The following PRPF38A variants were observed in gnomAD, a reference collection of about 807,000 sequenced individuals.
PRPF38A encodes the protein pre-mRNA-splicing factor 38A.
Under a neutral mutation model 46.8 loss-of-function variants are expected in PRPF38A, and 11 were observed. That is an observed-to-expected ratio of 0.24 (90% CI 0.15 to 0.39). The LOEUF is 0.39. PRPF38A is among the 10% of genes least tolerant of loss of function. The pLI is 1.00. For missense variants in PRPF38A, 261 were observed against 407.5 expected, an observed-to-expected ratio of 0.64 and a Z score of 3.10; for synonymous variants, 124 against 136.2, an observed-to-expected ratio of 0.91 and a Z score of 0.62.
At position 52,414,004 on chromosome 1, in the gene PRPF38A, C is replaced by T. The variant is rs1168663181; in HGVS notation, c.722+13C>T. 1 of 1,554,828 alleles carries T rather than the reference C, an allele frequency of 6.4e-7. No individual in the cohort carries two copies. The highest frequency in any genetic ancestry group is 1.1e-5 in the South Asian group (1 of 89,558). On this transcript the variant is annotated intron_variant, in intron 6 of 9. Coordinates refer to ENST00000257181, the MANE Select transcript of PRPF38A (RefSeq NM_032864.4). ...GGTCTCCCAGAAGGTAAAGCCTAGT[C>T]ATTGGCCTTTTCCCAGAAGATTTTG...
chr1:52,406,332 C>G (rs1647995448), intron 2 of PRPF38A, among the ~76,000 whole-genome samples: 1 of 152,126 alleles, frequency 6.6e-6, no homozygotes, highest in South Asian at 2.1e-4. Flanking sequence ...TAATCTTCTA[C>G]TTTACTTTCT....
chr1:52,414,192 A>G (rs539136170), intron 6 of PRPF38A, among the ~76,000 whole-genome samples: 25 of 152,214 alleles, frequency 1.6e-4, no homozygotes, highest in African/African-American at 5.5e-4. Flanking sequence ...TCTGCAGTCA[A>G]TGATTTAAGC....
rs919310721 is a variant in PRPF38A, at chr1:52,420,603, T to C, written c.*3913T>C. On this transcript the variant is annotated 3_prime_UTR_variant, in exon 10 of 10. Transcript: ENST00000257181. ...GAGCATTTTTTCAGTTTCACACTTGTTTTCCTTTTGTTAATTTGCTATATT... is the reference window on the plus strand; with the variant it reads ...GAGCATTTTTTCAGTTTCACACTTGCTTTCCTTTTGTTAATTTGCTATATT... The C allele has an allele frequency of 1.3e-5, 2 of 152,188 alleles. No homozygotes were observed. The highest frequency in any genetic ancestry group is 2.4e-5 in the African/African-American group (1 of 41,450). The allele number at this position is 152,188 out of a possible 1,614,324, so 9.4% of individuals were successfully genotyped here.
At chr1:52,408,925 T>A (rs1648073569) in intron 3 of PRPF38A, 1 of 408,732 alleles carries the variant, frequency 2.4e-6, no homozygotes, top group East Asian at 4.3e-5. Context: ...GCATCTTATG[T>A]TAATCCCTGC....
intron 3 of PRPF38A, 31 bp from the exon 4 acceptor site, chr1:52,411,084 G>T (rs201204966): frequency 2.1e-5 from 32 of 1,524,476 alleles, no homozygotes; most frequent in Middle Eastern, 3.4e-4. Flanking sequence ...TTTATTTCCA[G>T]GTTGTTTGCT....
intron 5 of PRPF38A, among the ~76,000 whole-genome samples, 187 bp from the exon 6 acceptor site, chr1:52,413,690 TTA>T (rs563775012): frequency 8.3e-4 from 127 of 152,324 alleles, no homozygotes; most frequent in African/African-American, 2.9e-3. Flanking sequence ...TTTGGCTGTC[TTA>T]TATAGCTCAT....
chr1:52,408,726 T>C, intron 3 of PRPF38A, 36 bp downstream of exon 3: 1 of 1,608,332 alleles, frequency 6.2e-7, no homozygotes, highest in Non-Finnish European at 8.5e-7. Context: ...TTGTCATTTT[T>C]AAGCCAGTTT....
intron 4 of PRPF38A, 55 bp downstream of exon 4, chr1:52,411,255 C>G: frequency 1.6e-6 from 2 of 1,220,440 alleles, no homozygotes; most frequent in Non-Finnish European, 2.4e-6. Context: ...GACGGGCAGA[C>G]AGACAAACAC....
In PRPF38A at chr1:52,406,647, A is replaced by T. The variant is rs1018699720; in HGVS notation, c.290+808A>T. ...CTGAACACAGCACTTGCTGCATGGT[A>T]AACACCTAGAAAATGTCAGCTTATT... is the stretch of plus-strand genomic sequence containing the variant. On this transcript the variant is annotated intron_variant, in intron 2 of 9. Transcript: ENST00000257181. Among the ~76,000 whole-genome samples, 6 of 152,236 alleles carry T rather than the reference A, an allele frequency of 3.9e-5. No individual in the cohort carries two copies. The South Asian group carries it at 6.2e-4, about 16-fold the overall frequency.
chr1:52,414,701 G>T, intron 7 of PRPF38A, 54 bp downstream of exon 7: 1 of 1,613,446 alleles, frequency 6.2e-7, no homozygotes, highest in Non-Finnish European at 8.5e-7. Context: ...GGGGGTGGTG[G>T]TATTGGTGTT....
chr1:52,413,535 A>G (rs1455966877), intron 5 of PRPF38A, among the ~76,000 whole-genome samples: 3 of 152,088 alleles, frequency 2.0e-5, no homozygotes, highest in East Asian at 3.9e-4. Context: ...AGCTGGAACT[A>G]CAGGCACGTG....
Position 52,418,806 on chromosome 1 carries a change from A to G in PRPF38A, c.*2116A>G, listed in dbSNP as rs558611910. 6.6e-6 allele frequency: 1 copy of G among 152,350 alleles called. No homozygotes were observed. The highest frequency in any genetic ancestry group is 2.4e-5 in the African/African-American group (1 of 41,578). 9.4% of individuals were successfully genotyped at this position (152,350 alleles called of 1,614,324 possible). ...ACTTTTTGACTACAGCATACATTTT[A>G]AAAACGTATTTTACATCTTACCTCT... On this transcript the variant is annotated 3_prime_UTR_variant, in exon 10 of 10. Transcript: ENST00000257181.
chr1:52,406,840 G>C (rs1569973119), intron 2 of PRPF38A, among the ~76,000 whole-genome samples: 1 of 152,134 alleles, frequency 6.6e-6, no homozygotes, highest in East Asian at 1.9e-4. Flanking sequence ...CTGAGGCACA[G>C]AGATTAATTA....
intron 9 of PRPF38A, among the ~76,000 whole-genome samples, chr1:52,416,372 A>T (rs1648292193): frequency 6.6e-6 from 1 of 150,860 alleles, no homozygotes; most frequent in South Asian, 2.1e-4. Context: ...GCAATGGCCC[A>T]ATCTCGGCTC....
At chr1:52,405,416 T>C (rs566764081) in intron 1 of PRPF38A, among the ~76,000 whole-genome samples, 1 of 152,336 alleles carries the variant, frequency 6.6e-6, no homozygotes, top group African/African-American at 2.4e-5. Flanking sequence ...TTTCCTTACC[T>C]GGAAATAAGA....
In PRPF38A at chr1:52,419,401, G is replaced by C. The variant is rs920319242; in HGVS notation, c.*2711G>C. ...GAAGAAGAATGGGTTTGGTGAGAGG[G>C]TTCCAATATTAACAACCCAACTTCA... On this transcript the variant is annotated 3_prime_UTR_variant, in exon 10 of 10. Transcript: ENST00000257181. 6.6e-6 allele frequency: 1 copy of C among 151,686 alleles called. No individual in the cohort carries two copies. Among genetic ancestry groups the C allele is most frequent in the African/African-American group, 2.4e-5 (1 of 41,272 alleles). The allele number at this position is 151,686 out of a possible 1,614,324, so 9.4% of individuals were successfully genotyped here.
chr1:52,414,497 C>A, intron 6 of PRPF38A, 124 bp from the exon 7 acceptor site: 1 of 1,015,336 alleles, frequency 9.8e-7, no homozygotes, highest in Non-Finnish European at 1.5e-6. Context: ...AGTTACGTGA[C>A]AAAAGACATG....
chr1:52,407,670 C>T (rs936111036), intron 2 of PRPF38A, among the ~76,000 whole-genome samples: 2 of 152,192 alleles, frequency 1.3e-5, no homozygotes, highest in African/African-American at 4.8e-5. Flanking sequence ...CCTGTAATCC[C>T]AGCACTTTGG....
In PRPF38A at chr1:52,416,708, T is replaced by G; in HGVS notation, c.*18T>G. ...ATGAGTAATGGACTCAGTTTGGTTT[T>G]AGTCCACATGGCCTCCTGTGGATAT... On this transcript the variant is annotated 3_prime_UTR_variant, in exon 10 of 10. Coordinates refer to ENST00000257181, the MANE Select transcript of PRPF38A (RefSeq NM_032864.4). 1.3e-6 allele frequency: 2 copies of G among 1,596,058 alleles called. No individual in the cohort carries two copies. Among genetic ancestry groups the G allele is most frequent in the Non-Finnish European group, 1.7e-6 (2 of 1,163,512 alleles).
Sources: allele counts gnomAD v4.1 joint callset (sites outside exome capture counted in the v4.1 genomes callset), GRCh38; gene constraint gnomAD v4.1.1; transcripts MANE v1.5; gene names NCBI Gene and HGNC (gene_info 2026-07-23, HGNC 2026-07-21).